The following RASAL2 variants were observed in gnomAD, a reference collection of about 807,000 sequenced individuals.
RASAL2 encodes the protein RAS protein activator like 2.
In RASAL2, 58 loss-of-function variants were observed where a neutral mutation model predicts 128.9. The ratio of observed to expected loss-of-function variants is 0.45; its 90% CI spans 0.36 to 0.56. The LOEUF (loss-of-function observed/expected upper bound fraction) is 0.56. RASAL2 is among the 20% of genes least tolerant of loss of function. The probability of loss-of-function intolerance (pLI) is 0.00; values close to 1 mark genes in which losing one functional copy is unlikely to be tolerated. For missense variants in RASAL2, 1,360 were observed against 1,601.6 expected (o/e 0.85, Z 2.57); for synonymous variants, 561 against 580.8 (o/e 0.97, Z 0.49).
chr1:178,302,498 A>T (rs1557887890), intron 3 of RASAL2, among the ~76,000 whole-genome samples: 1 of 152,240 alleles, frequency 6.6e-6, no homozygotes, highest in Non-Finnish European at 1.5e-5. Context: ...AGAAAAAAAG[A>T]TTTAAATAAA....
intron 4 of RASAL2, 24 bp downstream of exon 4, chr1:178,390,230 G>T (rs774374898): frequency 6.5e-7 from 1 of 1,542,076 alleles, no homozygotes; most frequent in Non-Finnish European, 8.9e-7. Flanking sequence ...TTCTTTATAA[G>T]AATATTTTAC....
At chr1:178,128,069 T>C (rs1422363083) in intron 1 of RASAL2, among the ~76,000 whole-genome samples, 1 of 152,136 alleles carries the variant, frequency 6.6e-6, no homozygotes, top group East Asian at 1.9e-4. Flanking sequence ...TGTAGTTCAA[T>C]TCTTTCATTT....
intron 5 of RASAL2, among the ~76,000 whole-genome samples, chr1:178,434,806 T>G (rs1202685485): frequency 6.6e-6 from 1 of 151,952 alleles, no homozygotes; most frequent in Non-Finnish European, 1.5e-5. Context: ...CAAGAAAGGA[T>G]GTGCACTTTC....
intron 1 of RASAL2, among the ~76,000 whole-genome samples, chr1:178,170,557 A>G (rs1290677099): frequency 6.6e-6 from 1 of 151,624 alleles, no homozygotes; most frequent in African/African-American, 2.4e-5. Flanking sequence ...TTTTTATAGC[A>G]TATTTTTCAA....
intron 1 of RASAL2, among the ~76,000 whole-genome samples, chr1:178,208,407 A>G (rs1663129575): frequency 6.6e-6 from 1 of 152,138 alleles, no homozygotes; most frequent in South Asian, 2.1e-4. Flanking sequence ...TGTCTGTCTT[A>G]TGCAGTTGAG....
intron 3 of RASAL2, among the ~76,000 whole-genome samples, chr1:178,320,038 T>C (rs563477182): frequency 0.033 from 5,002 of 151,776 alleles, 107 homozygotes; most frequent in Non-Finnish European, 0.048. Flanking sequence ...TGCAGGTCTG[T>C]TGGAATACCC....
intron 3 of RASAL2, among the ~76,000 whole-genome samples, chr1:178,336,909 G>A (rs1395109758): frequency 6.6e-6 from 1 of 152,030 alleles, no homozygotes; most frequent in Non-Finnish European, 1.5e-5. Flanking sequence ...TGAAATAAAA[G>A]TAGGAAAGAT....
chr1:178,394,898 T>C (rs1396796559), intron 4 of RASAL2, among the ~76,000 whole-genome samples: 1 of 152,182 alleles, frequency 6.6e-6, no homozygotes, highest in African/African-American at 2.4e-5. Context: ...TAGAAGAATC[T>C]AAAGCCCTGG....
chr1:178,119,681 T>C (rs1321831468), intron 1 of RASAL2, among the ~76,000 whole-genome samples: 1 of 152,208 alleles, frequency 6.6e-6, no homozygotes, highest in Non-Finnish European at 1.5e-5. Flanking sequence ...GAAGTACATG[T>C]AACATATTTT....
At chr1:178,158,540 T>C (rs950962816) in intron 1 of RASAL2, among the ~76,000 whole-genome samples, 1 of 152,186 alleles carries the variant, frequency 6.6e-6, no homozygotes, top group African/African-American at 2.4e-5. Flanking sequence ...TTACCTAATT[T>C]GTAAAATAGG....
chr1:178,192,291 T>A (rs115378741), intron 1 of RASAL2, among the ~76,000 whole-genome samples: 3,574 of 152,292 alleles, frequency 0.023, 64 homozygotes, highest in Middle Eastern at 0.061. Flanking sequence ...TGACAGTCTA[T>A]TATCTACTCT....
intron 1 of RASAL2, among the ~76,000 whole-genome samples, chr1:178,175,199 TAGTTA>T (rs1661840795): frequency 6.6e-6 from 1 of 152,202 alleles, no homozygotes; most frequent in Non-Finnish European, 1.5e-5. Context: ...TTTTCCCTTA[TAGTTA>T]AGTTATGGGA....
intron 9 of RASAL2, among the ~76,000 whole-genome samples, chr1:178,450,437 C>A (rs145933477): frequency 1.3e-5 from 2 of 152,262 alleles, no homozygotes; most frequent in African/African-American, 4.8e-5. Context: ...ACTTTCCTTT[C>A]TGTATACCAC....
chr1:178,342,026 T>G (rs976900486), intron 3 of RASAL2, among the ~76,000 whole-genome samples: 10 of 152,234 alleles, frequency 6.6e-5, no homozygotes, highest in Non-Finnish European at 1.3e-4. Flanking sequence ...CAACAAGATA[T>G]TAACAGCCTT....
intron 3 of RASAL2, among the ~76,000 whole-genome samples, chr1:178,311,040 A>G (rs1472712590): frequency 6.6e-6 from 1 of 152,112 alleles, no homozygotes; most frequent in East Asian, 1.9e-4. Flanking sequence ...TTAGGAAACC[A>G]CTGTGGTGGT....
intron 1 of RASAL2, among the ~76,000 whole-genome samples, chr1:178,192,947 G>A (rs145443396): frequency 2.0e-5 from 3 of 152,186 alleles, no homozygotes; most frequent in East Asian, 1.9e-4. Context: ...CAGAGAAGCC[G>A]ATCCCTGGCA....
At chr1:178,207,067 A>G (rs890881501) in intron 1 of RASAL2, among the ~76,000 whole-genome samples, 3 of 151,928 alleles carry the variant, frequency 2.0e-5, no homozygotes, top group Admixed American at 6.6e-5. Flanking sequence ...CTGTAGTCCA[A>G]GCTACTCGGG....
chr1:178,271,968 C>G (rs1482368096), intron 1 of RASAL2, among the ~76,000 whole-genome samples: 1 of 152,206 alleles, frequency 6.6e-6, no homozygotes, highest in Non-Finnish European at 1.5e-5. Flanking sequence ...GTCTGAAATG[C>G]TAATACATTT....
chr1:178,390,033 A>G, intron 3 of RASAL2, 67 bp from the exon 4 acceptor site: 1 of 968,372 alleles, frequency 1.0e-6, no homozygotes, highest in Non-Finnish European at 1.6e-6. Context: ...CAGTAACTTT[A>G]CAGTTCAGTG....
Sources: allele counts gnomAD v4.1 joint callset (sites outside exome capture counted in the v4.1 genomes callset), GRCh38; gene constraint gnomAD v4.1.1; transcripts MANE v1.5; gene names NCBI Gene and HGNC (gene_info 2026-07-23, HGNC 2026-07-21).